ANKS1B: variants seen among roughly 807,000 people sequenced by gnomAD.
The protein encoded by ANKS1B is ankyrin repeat and sterile alpha motif domain containing 1B.
A neutral mutation model predicts 148.3 loss-of-function variants in ANKS1B; 36 were observed. The ratio of observed to expected loss-of-function variants is 0.24; its 90% CI spans 0.19 to 0.32. The LOEUF is 0.32. ANKS1B is among the 10% of genes least tolerant of loss of function. The pLI, the probability that ANKS1B is intolerant of heterozygous loss-of-function variation, is 1.00. For synonymous variants in ANKS1B, 542 were observed against 560.8 expected, an observed-to-expected ratio of 0.97 and a Z score of 0.47; for missense variants, 1,157 against 1,542.6, an observed-to-expected ratio of 0.75 and a Z score of 4.19.
intron 25 of ANKS1B, among the ~76,000 whole-genome samples, chr12:98,752,334 C>A (rs2098115952): frequency 1.3e-5 from 2 of 151,690 alleles, no homozygotes; most frequent in Non-Finnish European, 1.5e-5. Context: ...TCTTGGCTCA[C>A]TGCAACCTCC....
Position 98,744,808 on chromosome 12 carries a change from T to TTTA in ANKS1B, c.*930_*931insTAA, listed in dbSNP as rs2097847106. On this transcript the variant is annotated 3_prime_UTR_variant, in exon 27 of 27. Coordinates refer to ENST00000683438, the MANE Select transcript of ANKS1B (RefSeq NM_001352186.2). ...CAGGAGCACTAGATTTTTTTTTTTT[T>TTTA]AACATGTTCTTTAAAACACTGTGAA... The TTTA allele has an allele frequency of 3.0e-6, 3 of 984,706 alleles. No individual in the cohort carries two copies. Among genetic ancestry groups the TTTA allele is most frequent in the South Asian group, 4.7e-5 (1 of 21,258 alleles). 61.0% of individuals were successfully genotyped at this position (984,706 alleles called of 1,614,324 possible).
chr12:99,975,074 C>G (rs945056387), intron 1 of ANKS1B, among the ~76,000 whole-genome samples: 1 of 152,018 alleles, frequency 6.6e-6, no homozygotes, highest in Admixed American at 6.6e-5. Context: ...TCACTTGACC[C>G]TGGGGGGCAA....
At chr12:99,238,075 G>T (rs917505656) in intron 14 of ANKS1B, among the ~76,000 whole-genome samples, 2 of 152,236 alleles carry the variant, frequency 1.3e-5, no homozygotes, top group Non-Finnish European at 2.9e-5. Flanking sequence ...CACAGAGGGC[G>T]AGCTGAAGCA....
intron 19 of ANKS1B, among the ~76,000 whole-genome samples, chr12:98,824,773 T>C (rs2099234090): frequency 6.6e-6 from 1 of 152,102 alleles, no homozygotes; most frequent in African/African-American, 2.4e-5. Flanking sequence ...TTCACAAACA[T>C]GGGAGACAGG....
At chr12:99,597,251 G>GGGGA (rs2097765825) in intron 9 of ANKS1B, among the ~76,000 whole-genome samples, 1 of 149,474 alleles carries the variant, frequency 6.7e-6, no homozygotes, top group African/African-American at 2.5e-5. Flanking sequence ...AATGTCTGAG[G>GGGGA]GAGAGAGAGA....
rs557444591 is a variant in ANKS1B at position 99,561,366 on chromosome 12, C to T, written c.1273-56725G>A. Among the ~76,000 whole-genome samples the T allele has an allele frequency of 7.9e-5, 12 of 152,266 alleles. No homozygotes were observed. In the South Asian group the frequency reaches 2.3e-3, roughly 29 times the overall value. ...TTTGTTGTCATTTCAACAACATTCA[C>T]AGGATTGCTGAGGGATTGTTCACAG... On this transcript the variant is annotated intron_variant, in intron 9 of 26. Transcript: ENST00000683438.
At position 99,465,126 on chromosome 12, in the gene ANKS1B, G is replaced by C. The variant is rs565574293; in HGVS notation, c.1439-21317C>G. ...AAACTCTACAAGCCAGAAGAGAGTG[G>C]GGGCCAATATTCAACATTCTTAAAG... On this transcript the variant is annotated intron_variant, in intron 10 of 26. Transcript: ENST00000683438. Among the ~76,000 whole-genome samples the C allele has an allele frequency of 4.7e-3, 723 of 152,280 alleles. 9 individuals carry two copies. The highest frequency in any genetic ancestry group is 0.015 in the African/African-American group (626 of 41,548).
At chr12:99,681,409 C>T (rs1294784552) in intron 8 of ANKS1B, among the ~76,000 whole-genome samples, 1 of 152,160 alleles carries the variant, frequency 6.6e-6, no homozygotes. Context: ...AACAAAATTA[C>T]AACCAAGGAC....
chr12:98,879,259 G>A (rs527636968), intron 17 of ANKS1B, among the ~76,000 whole-genome samples: 1 of 152,204 alleles, frequency 6.6e-6, no homozygotes, highest in Non-Finnish European at 1.5e-5. Context: ...AACTGTCAGA[G>A]GGCTATCCAT....
rs1211450492 is a variant in ANKS1B, at chr12:98,829,746, A to G, written c.2887-393T>C. On this transcript the variant is annotated intron_variant, in intron 18 of 26. Coordinates refer to ENST00000683438, the MANE Select transcript of ANKS1B (RefSeq NM_001352186.2). This position sits in a 1 kb window ranked among gnomAD's most constrained non-coding sequence, Gnocchi z 5.2. Reference sequence around the variant, plus strand: ...GATGAGAAAGCTAAAATGAGACCCAATGGGTCTTGATCCTTCATCAAAGAA... The same window carrying G: ...GATGAGAAAGCTAAAATGAGACCCAGTGGGTCTTGATCCTTCATCAAAGAA... 3.9e-5 allele frequency among the ~76,000 whole-genome samples: 6 copies of G among 152,184 alleles called. No homozygotes were observed. The highest frequency in any genetic ancestry group is 4.1e-4 in the South Asian group (2 of 4,834).
At chr12:99,904,275 T>G (rs2093702381) in intron 1 of ANKS1B, among the ~76,000 whole-genome samples, 1 of 147,190 alleles carries the variant, frequency 6.8e-6, no homozygotes, top group African/African-American at 2.5e-5. Context: ...CACTGCAACC[T>G]CCACCTCCTG....
rs143075332 is a variant in ANKS1B at position 98,898,011 on chromosome 12, C to G, written c.2779-65875G>C. Reference sequence around the variant, plus strand: ...ACAAGTGGGAACTAAACAATAGGTACAAATGGACATACAGAGGGAAACAGT... The same window carrying G: ...ACAAGTGGGAACTAAACAATAGGTAGAAATGGACATACAGAGGGAAACAGT... On this transcript the variant is annotated intron_variant, in intron 17 of 26. Transcript: ENST00000683438. 4.7e-4 allele frequency among the ~76,000 whole-genome samples: 71 copies of G among 152,118 alleles called. 1 individual carries two copies. Among genetic ancestry groups the G allele is most frequent in the African/African-American group, 1.7e-3 (69 of 41,496 alleles).
chr12:99,362,460 T>C (rs2092538962), intron 12 of ANKS1B, among the ~76,000 whole-genome samples: 1 of 151,970 alleles, frequency 6.6e-6, no homozygotes, highest in African/African-American at 2.4e-5. Flanking sequence ...TCAGAAAATA[T>C]GACTTAAGAA....
chr12:98,740,250 G>A (rs2097791372), downstream of ANKS1B, among the ~76,000 whole-genome samples: 1 of 152,120 alleles, frequency 6.6e-6, no homozygotes, highest in East Asian at 1.9e-4. Context: ...TTCCTAGGGA[G>A]GCTTTAAATG....
At chr12:98,819,362 C>T (rs546686366) in intron 19 of ANKS1B, among the ~76,000 whole-genome samples, 66 of 152,236 alleles carry the variant, frequency 4.3e-4, no homozygotes, top group Non-Finnish European at 6.8e-4. Flanking sequence ...GCCCACATCC[C>T]CCTTATCACA....
chr12:99,544,862 A>G (rs1469833879), intron 9 of ANKS1B, among the ~76,000 whole-genome samples: 2 of 152,006 alleles, frequency 1.3e-5, no homozygotes, highest in Non-Finnish European at 2.9e-5. Context: ...TATTTATAAA[A>G]CCCTCAGTGT....
chr12:99,491,840 T>C (rs114953908), intron 10 of ANKS1B, among the ~76,000 whole-genome samples: 208 of 152,224 alleles, frequency 1.4e-3, no homozygotes, highest in African/African-American at 4.8e-3. Context: ...AAGGCAGAAA[T>C]CAAGATGTTC....
intron 22 of ANKS1B, among the ~76,000 whole-genome samples, chr12:98,784,649 C>G (rs1462276115): frequency 6.6e-6 from 1 of 152,090 alleles, no homozygotes; most frequent in Non-Finnish European, 1.5e-5. Flanking sequence ...TTAAAGGAAG[C>G]AGAAAGCTGG....
chr12:99,380,564 G>A (rs1228900489), intron 12 of ANKS1B, among the ~76,000 whole-genome samples: 1 of 152,090 alleles, frequency 6.6e-6, no homozygotes, highest in Non-Finnish European at 1.5e-5. Flanking sequence ...AACCATAATT[G>A]TAATCCATGG....
Sources: allele counts gnomAD v4.1 joint callset (sites outside exome capture counted in the v4.1 genomes callset), GRCh38; gene constraint gnomAD v4.1.1; non-coding constraint Gnocchi (gnomAD v3.1); transcripts MANE v1.5; gene names NCBI Gene and HGNC (gene_info 2026-07-23, HGNC 2026-07-21).